The following ZNF804A variants were observed in gnomAD, a reference collection of about 807,000 sequenced individuals.
The protein encoded by ZNF804A is zinc finger protein 804A.
A neutral mutation model predicts 16.5 loss-of-function variants in ZNF804A; 2 were observed. The ratio of observed to expected loss-of-function variants is 0.12; its 90% CI spans 0.05 to 0.38. The LOEUF (loss-of-function observed/expected upper bound fraction) is 0.38. Among genes scored for constraint, ZNF804A ranks in the 10% least tolerant of loss-of-function variants. The pLI is 0.99. For synonymous variants in ZNF804A, 534 were observed against 489.6 expected, an observed-to-expected ratio of 1.09 and a Z score of -1.20; for missense variants, 1,473 against 1,390.7, an observed-to-expected ratio of 1.06 and a Z score of -0.94.
intron 2 of ZNF804A, among the ~76,000 whole-genome samples, chr2:184,898,070 G>T (rs1460535218): frequency 6.6e-6 from 1 of 152,024 alleles, no homozygotes; most frequent in Non-Finnish European, 1.5e-5. Flanking sequence ...TATATTTGGG[G>T]TACAAATCAT....
At chr2:184,646,768 C>T (rs916906103) in intron 1 of ZNF804A, among the ~76,000 whole-genome samples, 2 of 152,246 alleles carry the variant, frequency 1.3e-5, no homozygotes, top group African/African-American at 2.4e-5. Context: ...GGAGATTTCT[C>T]ACCTCCGTGC....
At chr2:184,692,206 C>T (rs909393874) in intron 1 of ZNF804A, among the ~76,000 whole-genome samples, 4 of 152,114 alleles carry the variant, frequency 2.6e-5, no homozygotes, top group Non-Finnish European at 4.4e-5. Context: ...TGTTTAAATG[C>T]AGGGCAGAGC....
intron 1 of ZNF804A, among the ~76,000 whole-genome samples, chr2:184,719,541 C>A (rs1317529571): frequency 6.6e-6 from 1 of 152,148 alleles, no homozygotes; most frequent in Non-Finnish European, 1.5e-5. Flanking sequence ...TAACAACAAG[C>A]AAGTCACCTT....
intron 1 of ZNF804A, among the ~76,000 whole-genome samples, chr2:184,773,086 C>T (rs1694241730): frequency 6.7e-6 from 1 of 148,206 alleles, no homozygotes; most frequent in African/African-American, 2.5e-5. Context: ...GTATATTTGG[C>T]CTGTTAAAAT....
chr2:184,628,811 A>G (rs974036932), intron 1 of ZNF804A, among the ~76,000 whole-genome samples: 2 of 152,138 alleles, frequency 1.3e-5, no homozygotes, highest in African/African-American at 4.8e-5. Context: ...GCACATTCAA[A>G]TTTATCAAGT....
rs1242990095 is a variant in ZNF804A at position 184,606,205 on chromosome 2, C to T, written c.111+7135C>T. ...ACTGCTAAAAAGATATTACCCAAGA[C>T]CAGGTAATTTATAAAGGAAAGAGGT... On this transcript the variant is annotated intron_variant, in intron 1 of 3. Transcript: ENST00000302277. Among the ~76,000 whole-genome samples the T allele has an allele frequency of 2.6e-5, 4 of 152,036 alleles. No individual in the cohort carries two copies. In the East Asian group the frequency reaches 7.7e-4, roughly 29 times the overall value.
chr2:184,685,379 T>A (rs1360951882), intron 1 of ZNF804A, among the ~76,000 whole-genome samples: 1 of 151,990 alleles, frequency 6.6e-6, no homozygotes, highest in Non-Finnish European at 1.5e-5. Flanking sequence ...GCAGCTCTTC[T>A]CTCCTTCTTG....
intron 1 of ZNF804A, among the ~76,000 whole-genome samples, chr2:184,637,976 T>C (rs1691727199): frequency 1.3e-5 from 2 of 152,252 alleles, no homozygotes; most frequent in South Asian, 2.1e-4. Context: ...CCAGTAATGG[T>C]CAGGTATATT....
At chr2:184,617,514 C>T (rs991886245) in intron 1 of ZNF804A, among the ~76,000 whole-genome samples, 1 of 151,518 alleles carries the variant, frequency 6.6e-6, no homozygotes, top group Non-Finnish European at 1.5e-5. Flanking sequence ...AAAATTATAT[C>T]GAAGATTTAA....
chr2:184,783,288 T>G (rs1694401220), intron 1 of ZNF804A, among the ~76,000 whole-genome samples: 1 of 151,282 alleles, frequency 6.6e-6, no homozygotes, highest in African/African-American at 2.4e-5. Context: ...TACATAAAAA[T>G]GAATGTGGTT....
intron 2 of ZNF804A, among the ~76,000 whole-genome samples, chr2:184,882,711 G>C (rs576706465): frequency 2.6e-5 from 4 of 152,098 alleles, no homozygotes; most frequent in African/African-American, 9.6e-5. Flanking sequence ...ATGAAATGAA[G>C]GCAGAAATCA....
chr2:184,611,081 T>C lies in ZNF804A; in HGVS notation c.111+12011T>C, dbSNP rs759011915. Among the ~76,000 whole-genome samples, 128 of 152,116 alleles carry C rather than the reference T, an allele frequency of 8.4e-4. 1 individual carries two copies. Among genetic ancestry groups the C allele is most frequent in the Non-Finnish European group, 1.6e-3 (111 of 68,018 alleles). On this transcript the variant is annotated intron_variant, in intron 1 of 3. Coordinates refer to ENST00000302277, the MANE Select transcript of ZNF804A (RefSeq NM_194250.2). Reference sequence around the variant, plus strand: ...GGGAATTCCAAGATTAAGGTGCCAATTTGGTGTCTGGTGAGAGCTTGCTTC... The same window carrying C: ...GGGAATTCCAAGATTAAGGTGCCAACTTGGTGTCTGGTGAGAGCTTGCTTC...
intron 1 of ZNF804A, among the ~76,000 whole-genome samples, chr2:184,780,877 T>C (rs1332080108): frequency 2.0e-5 from 3 of 151,764 alleles, no homozygotes; most frequent in Non-Finnish European, 4.4e-5. Flanking sequence ...AGCTATCAAT[T>C]AGTTATTTAC....
At chr2:184,897,753 T>C (rs933095608) in intron 2 of ZNF804A, among the ~76,000 whole-genome samples, 1 of 152,126 alleles carries the variant, frequency 6.6e-6, no homozygotes, top group Non-Finnish European at 1.5e-5. Context: ...AGGAACTCTT[T>C]CCATTGTTTT....
intron 2 of ZNF804A, among the ~76,000 whole-genome samples, chr2:184,930,992 G>A (rs1273341041): frequency 6.6e-6 from 1 of 152,210 alleles, no homozygotes; most frequent in Admixed American, 6.5e-5. Context: ...AGGTGAAGGA[G>A]GAGCAAAGTC....
At position 184,705,375 on chromosome 2, in the gene ZNF804A, T is replaced by C. The variant is rs913246787; in HGVS notation, c.111+106305T>C. Reference sequence around the variant, plus strand: ...CATAGCAGGTGACTGGATATGGGAATGTAAAAATAAATATGATATTACATA... The same window carrying C: ...CATAGCAGGTGACTGGATATGGGAACGTAAAAATAAATATGATATTACATA... On this transcript the variant is annotated intron_variant, in intron 1 of 3. Coordinates refer to ENST00000302277, the MANE Select transcript of ZNF804A (RefSeq NM_194250.2). Among the ~76,000 whole-genome samples the C allele has an allele frequency of 2.0e-5, 3 of 152,316 alleles. No homozygotes were observed. The East Asian group carries it at 5.8e-4, about 29-fold the overall frequency.
intron 1 of ZNF804A, among the ~76,000 whole-genome samples, chr2:184,789,684 A>G (rs1231512675): frequency 6.6e-6 from 1 of 151,858 alleles, no homozygotes; most frequent in Non-Finnish European, 1.5e-5. Flanking sequence ...TTGTGATATT[A>G]CCTTTATTAT....
chr2:184,654,044 C>G (rs942600125), intron 1 of ZNF804A, among the ~76,000 whole-genome samples: 1 of 152,194 alleles, frequency 6.6e-6, no homozygotes, highest in South Asian at 2.1e-4. Flanking sequence ...CAGACCATCA[C>G]CTGATGGTCA....
intron 1 of ZNF804A, among the ~76,000 whole-genome samples, chr2:184,764,750 C>G (rs757232069): frequency 4.2e-4 from 64 of 152,146 alleles, no homozygotes; most frequent in Non-Finnish European, 6.3e-4. Context: ...AAATCATCCC[C>G]TTGATATTTG....
Sources: allele counts gnomAD v4.1 joint callset (sites outside exome capture counted in the v4.1 genomes callset), GRCh38; gene constraint gnomAD v4.1.1; transcripts MANE v1.5; gene names NCBI Gene and HGNC (gene_info 2026-07-23, HGNC 2026-07-21).